Variants in ELOVL7 observed in about 807,000 individuals in gnomAD.
The protein encoded by ELOVL7 is ELOVL fatty acid elongase 7, also known as very long chain fatty acid elongase 7.
A neutral mutation model predicts 35.7 loss-of-function variants in ELOVL7; 27 were observed. The ratio of observed to expected loss-of-function variants is 0.76; its 90% CI spans 0.56 to 1.04. ELOVL7 has a LOEUF of 1.04. ELOVL7 is among the 50% of genes least tolerant of loss of function. The probability of loss-of-function intolerance (pLI) is 0.00; values close to 1 mark genes in which losing one functional copy is unlikely to be tolerated. For synonymous variants in ELOVL7, 113 were observed against 114.6 expected (o/e 0.99, Z 0.09); for missense variants, 327 against 340.8 (o/e 0.96, Z 0.32).
intron 1 of ELOVL7, among the ~76,000 whole-genome samples, chr5:60,816,900 C>G (rs752029026): frequency 2.0e-5 from 3 of 151,976 alleles, no homozygotes; most frequent in Non-Finnish European, 2.9e-5. Context: ...TATAAAAATA[C>G]CCGGTGTTTG....
intron 1 of ELOVL7, among the ~76,000 whole-genome samples, chr5:60,804,757 G>C (rs958182512): frequency 2.0e-5 from 3 of 152,200 alleles, no homozygotes; most frequent in Admixed American, 2.0e-4. Context: ...AAGAGGGACA[G>C]ACCAAATGCT....
chr5:60,808,203 G>C (rs1217408159), intron 1 of ELOVL7, among the ~76,000 whole-genome samples: 1 of 143,038 alleles, frequency 7.0e-6, no homozygotes, highest in East Asian at 2.0e-4. Flanking sequence ...TAAACTAATA[G>C]AAAAAAAAAA....
intron 2 of ELOVL7, among the ~76,000 whole-genome samples, chr5:60,788,780 G>A (rs1293266459): frequency 1.3e-5 from 2 of 151,944 alleles, no homozygotes; most frequent in African/African-American, 4.8e-5. Context: ...GCAACAGAGT[G>A]AGACTTGGTC....
chr5:60,758,711 C>G (rs1365803903), intron 7 of ELOVL7, among the ~76,000 whole-genome samples: 2 of 152,136 alleles, frequency 1.3e-5, no homozygotes, highest in Non-Finnish European at 2.9e-5. Flanking sequence ...GAAGGGGAAA[C>G]GGTGTTTAGC....
intron 1 of ELOVL7, among the ~76,000 whole-genome samples, chr5:60,836,603 G>A (rs561269864): frequency 2.6e-5 from 4 of 152,188 alleles, no homozygotes; most frequent in Admixed American, 2.0e-4. Flanking sequence ...GGGCAGAGAA[G>A]CCCCTGAACA....
chr5:60,807,716 G>A (rs1017252601), intron 1 of ELOVL7, among the ~76,000 whole-genome samples: 2 of 151,982 alleles, frequency 1.3e-5, no homozygotes, highest in Non-Finnish European at 2.9e-5. Context: ...AGAATAAAAT[G>A]GGGCCGGGCG....
At chr5:60,770,049 T>G (rs1742484552) in intron 4 of ELOVL7, among the ~76,000 whole-genome samples, 1 of 118,304 alleles carries the variant, frequency 8.5e-6, no homozygotes, top group Non-Finnish European at 1.6e-5. Context: ...AGACCCTTTC[T>G]GGTGAAAAAA....
At chr5:60,813,042 C>T (rs1269179945) in intron 1 of ELOVL7, among the ~76,000 whole-genome samples, 1 of 152,198 alleles carries the variant, frequency 6.6e-6, no homozygotes, top group African/African-American at 2.4e-5. Context: ...TTTTCTCCAA[C>T]TGCCAATAAA....
Position 60,787,346 on chromosome 5 carries a change from T to C in ELOVL7, c.52A>G (p.Ile18Val), listed in dbSNP as rs572196960. 1 of 1,601,424 alleles carries C rather than the reference T, an allele frequency of 6.2e-7. No homozygotes were observed. Among genetic ancestry groups the C allele is most frequent in the Non-Finnish European group, 8.5e-7 (1 of 1,175,804 alleles). ...TGTGGTTACTCACCAGCATCTTTGA[T>C]CCAATTATCATAAAGATGCACAGTC... ...SRTVHLYDNW[I>V]KDADPRVEDW... Residue 18 changes from isoleucine (I) to valine (V), a missense_variant, in exon 3 of 9, where the codon ATC (isoleucine) becomes GTC (valine). Coordinates refer to ENST00000508821, the MANE Select transcript of ELOVL7 (RefSeq NM_024930.3).
At chr5:60,768,290 G>T (rs961498658) in intron 4 of ELOVL7, among the ~76,000 whole-genome samples, 1 of 152,156 alleles carries the variant, frequency 6.6e-6, no homozygotes. Context: ...GGGAACACTT[G>T]GATCTGAATC....
chr5:60,768,552 C>T, intron 4 of ELOVL7: 1 of 325,302 alleles, frequency 3.1e-6, no homozygotes, highest in Non-Finnish European at 6.2e-6. Context: ...AATTCCAACA[C>T]ACCCACAAAG....
intron 1 of ELOVL7, among the ~76,000 whole-genome samples, chr5:60,819,658 C>G (rs927577300): frequency 6.6e-6 from 1 of 152,082 alleles, no homozygotes; most frequent in African/African-American, 2.4e-5. Flanking sequence ...GGCAGGCGGG[C>G]GCCTGTAATC....
At chr5:60,786,819 G>A (rs1462943134) in intron 3 of ELOVL7, among the ~76,000 whole-genome samples, 1 of 151,974 alleles carries the variant, frequency 6.6e-6, no homozygotes, top group Non-Finnish European at 1.5e-5. Context: ...GTGGGTGCCT[G>A]TAGTCCCAGC....
intron 3 of ELOVL7, among the ~76,000 whole-genome samples, chr5:60,773,678 T>G (rs1742736103): frequency 6.6e-6 from 1 of 152,228 alleles, no homozygotes; most frequent in Admixed American, 6.5e-5. Flanking sequence ...GGAAGAGATC[T>G]TCAACAAATG....
intron 1 of ELOVL7, among the ~76,000 whole-genome samples, chr5:60,823,293 A>G (rs982483125): frequency 1.3e-5 from 2 of 151,914 alleles, no homozygotes; most frequent in Non-Finnish European, 2.9e-5. Context: ...CGTGAAATAG[A>G]TGAGTTAGTA....
intron 8 of ELOVL7, among the ~76,000 whole-genome samples, chr5:60,755,656 C>A (rs368310964): frequency 2.8e-5 from 4 of 144,118 alleles, no homozygotes; most frequent in Middle Eastern, 3.4e-3. Context: ...GATTCCATCT[C>A]AAAAAAAAAA....
At chr5:60,762,088 G>A (rs184120875) in intron 7 of ELOVL7, among the ~76,000 whole-genome samples, 59 of 152,112 alleles carry the variant, frequency 3.9e-4, no homozygotes, top group African/African-American at 1.3e-3. Context: ...ATATGAGAGA[G>A]AAGAAAACTA....
chr5:60,837,315 T>TG (rs1227317155), intron 1 of ELOVL7, among the ~76,000 whole-genome samples: 10,111 of 24,274 alleles, frequency 0.42, 1,515 homozygotes, highest in Non-Finnish European at 0.47. Flanking sequence ...GGCGGGGGGG[T>TG]GGGGGGGGAG....
At chr5:60,777,391 A>T (rs1411616074) in intron 3 of ELOVL7, among the ~76,000 whole-genome samples, 2 of 151,958 alleles carry the variant, frequency 1.3e-5, no homozygotes, top group Non-Finnish European at 2.9e-5. Context: ...TTAAAAAAAA[A>T]ATTTTTAAAA....
Sources: allele counts gnomAD v4.1 joint callset (sites outside exome capture counted in the v4.1 genomes callset), GRCh38; gene constraint gnomAD v4.1.1; transcripts MANE v1.5; gene names NCBI Gene and HGNC (gene_info 2026-07-23, HGNC 2026-07-21).